CARMIL1: variants seen among roughly 807,000 people sequenced by gnomAD.
CARMIL1 encodes capping protein regulator and myosin 1 linker 1.
Under a neutral mutation model 177.1 loss-of-function variants are expected in CARMIL1, and 90 were observed. That is an observed-to-expected ratio of 0.51 (90% CI 0.43 to 0.61). CARMIL1 has a LOEUF of 0.61. Ranked by LOEUF, CARMIL1 falls within the 20% of genes least tolerant of loss-of-function variation. The pLI is 0.00. For synonymous variants in CARMIL1, 577 were observed against 606.2 expected, an observed-to-expected ratio of 0.95 and a Z score of 0.71; for missense variants, 1,380 against 1,667.0, an observed-to-expected ratio of 0.83 and a Z score of 3.00.
At chr6:25,596,603 AATG>A (rs370863537) in intron 32 of CARMIL1, among the ~76,000 whole-genome samples, 5 of 152,206 alleles carry the variant, frequency 3.3e-5, no homozygotes, top group African/African-American at 1.2e-4. Flanking sequence ...TTCTTACTTA[AATG>A]ATGATAATAC....
At position 25,551,005 on chromosome 6, in the gene CARMIL1, C is replaced by A; in HGVS notation, c.2424C>A (p.Thr808=). 1.2e-6 allele frequency: 2 copies of A among 1,613,392 alleles called. No homozygotes were observed. The highest frequency in any genetic ancestry group is 1.7e-6 in the Non-Finnish European group (2 of 1,179,520). Residue 808 remains threonine (T), a synonymous_variant, in exon 27 of 37, where the codon ACC becomes ACA. Transcript: ENST00000329474. ...HIRQDLIHAS[T]EKISIPRTFV... is the part of the protein sequence containing the mutation. The stretch of plus-strand genomic sequence containing the variant: ...GACAAGACTTGATTCATGCCAGCAC[C>A]GAAAAGATTTCTATTCCACGTACCT...
intron 2 of CARMIL1, among the ~76,000 whole-genome samples, chr6:25,290,773 T>C (rs1052410780): frequency 4.6e-5 from 7 of 152,104 alleles, no homozygotes; most frequent in Admixed American, 2.6e-4. Flanking sequence ...TTTTGAAAAG[T>C]TAATCTGAAA....
chr6:25,390,448 A>G (rs1301184580), intron 2 of CARMIL1, among the ~76,000 whole-genome samples: 1 of 150,408 alleles, frequency 6.6e-6, no homozygotes. Context: ...CAGCCTCCCA[A>G]GTAGCTACAA....
In CARMIL1 at chr6:25,318,191, G is replaced by T. The variant is rs1051154647; in HGVS notation, c.138+33282G>T. Among the ~76,000 whole-genome samples the T allele has an allele frequency of 3.9e-5, 6 of 152,084 alleles. 1 individual carries two copies. Among genetic ancestry groups the T allele is most frequent in the Admixed American group, 3.9e-4 (6 of 15,272 alleles). On this transcript the variant is annotated intron_variant, in intron 2 of 36. Coordinates refer to ENST00000329474, the MANE Select transcript of CARMIL1 (RefSeq NM_017640.6). The stretch of plus-strand genomic sequence containing the variant: ...GCTTGGGAGGATTGCCTTGACAGCT[G>T]TGCGCACAGTGGGTTGGAAGGGGAG...
chr6:25,439,280 G>T (rs1366542220), intron 5 of CARMIL1, among the ~76,000 whole-genome samples: 3 of 152,170 alleles, frequency 2.0e-5, no homozygotes, highest in Admixed American at 2.0e-4. Flanking sequence ...TCTCCTCCAA[G>T]CTCCACTAGG....
chr6:25,502,039 A>C (rs1192166376), intron 17 of CARMIL1, among the ~76,000 whole-genome samples: 2 of 151,228 alleles, frequency 1.3e-5, no homozygotes, highest in Non-Finnish European at 2.9e-5. Context: ...CTAAAAAACT[A>C]ACCTTGCGTT....
chr6:25,586,164 G>A (rs12207668), intron 31 of CARMIL1, among the ~76,000 whole-genome samples: 22,715 of 148,332 alleles, frequency 0.15, 1,940 homozygotes, highest in Middle Eastern at 0.22. Flanking sequence ...CAGACGGGGC[G>A]GCTGCCGGGC....
At chr6:25,371,556 T>A (rs1005310973) in intron 2 of CARMIL1, among the ~76,000 whole-genome samples, 1 of 152,212 alleles carries the variant, frequency 6.6e-6, no homozygotes, top group East Asian at 1.9e-4. Context: ...TTTGTATATC[T>A]TCTTTTGAGA....
chr6:25,377,568 C>T (rs1223890353), intron 2 of CARMIL1, among the ~76,000 whole-genome samples: 1 of 152,132 alleles, frequency 6.6e-6, no homozygotes, highest in Non-Finnish European at 1.5e-5. Context: ...AGTATCCCAG[C>T]AGTGGGTACC....
chr6:25,393,817 A>G (rs1432434735), intron 2 of CARMIL1, among the ~76,000 whole-genome samples: 1 of 151,714 alleles, frequency 6.6e-6, no homozygotes, highest in East Asian at 1.9e-4. Flanking sequence ...TGATTGCACC[A>G]CACACTCTAG....
chr6:25,588,444 T>G (rs1813980526), intron 31 of CARMIL1, among the ~76,000 whole-genome samples: 1 of 152,182 alleles, frequency 6.6e-6, no homozygotes, highest in Admixed American at 6.5e-5. Context: ...TGCATTCAGC[T>G]GGAGGATGAC....
At chr6:25,534,652 C>T (rs1221255868) in intron 24 of CARMIL1, among the ~76,000 whole-genome samples, 3 of 152,072 alleles carry the variant, frequency 2.0e-5, no homozygotes, top group South Asian at 2.1e-4. Flanking sequence ...CAGGCACTAT[C>T]GTAAGAAACA....
chr6:25,517,481 C>G, intron 22 of CARMIL1, 66 bp downstream of exon 22: 3 of 1,245,868 alleles, frequency 2.4e-6, no homozygotes, highest in Non-Finnish European at 1.2e-6. Context: ...ATATATGTTA[C>G]CTGTTGGGTA....
At chr6:25,284,131 C>A (rs1781353903) in intron 1 of CARMIL1, among the ~76,000 whole-genome samples, 1 of 152,144 alleles carries the variant, frequency 6.6e-6, no homozygotes, top group South Asian at 2.1e-4. Flanking sequence ...TGCTGGGCAC[C>A]AGAGGTAACC....
At chr6:25,291,840 A>T (rs1781997744) in intron 2 of CARMIL1, among the ~76,000 whole-genome samples, 1 of 152,206 alleles carries the variant, frequency 6.6e-6, no homozygotes, top group Non-Finnish European at 1.5e-5. Flanking sequence ...CTCCCGATTC[A>T]CCAGTTAAGC....
At chr6:25,291,029 C>T (rs562358639) in intron 2 of CARMIL1, among the ~76,000 whole-genome samples, 2 of 152,210 alleles carry the variant, frequency 1.3e-5, no homozygotes, top group African/African-American at 4.8e-5. Flanking sequence ...CCAGGCTGGT[C>T]TTGAACTTCT....
chr6:25,364,807 C>T (rs1009648388), intron 2 of CARMIL1, among the ~76,000 whole-genome samples: 2 of 152,140 alleles, frequency 1.3e-5, no homozygotes, highest in African/African-American at 2.4e-5. Context: ...TCAGGTGATC[C>T]ATCCGCCTCG....
Position 25,606,185 on chromosome 6 carries a change from G to C in CARMIL1, c.3759G>C (p.Thr1253=), listed in dbSNP as rs779950098. ...SRSRSSSSTP[T]SPKPLLQSPK... is the part of the protein sequence containing the mutation. ...CTCGGAGCTCATCCAGCACACCTAC[G>C]AGCCCGAAGCCCCTCCTGCAGTCCC... Residue 1253 remains threonine, a synonymous_variant, in exon 35 of 37, where the codon ACG becomes ACC. Coordinates refer to ENST00000329474, the MANE Select transcript of CARMIL1 (RefSeq NM_017640.6). 1.9e-6 allele frequency: 3 copies of C among 1,613,798 alleles called. No homozygotes were observed. The highest frequency in any genetic ancestry group is 2.5e-6 in the Non-Finnish European group (3 of 1,179,888).
chr6:25,403,129 AAC>A (rs1202531482), intron 2 of CARMIL1, among the ~76,000 whole-genome samples: 1 of 151,320 alleles, frequency 6.6e-6, no homozygotes, highest in African/African-American at 2.4e-5. Context: ...TCATCTAGGT[AAC>A]ACAGTACCTA....
Sources: allele counts gnomAD v4.1 joint callset (sites outside exome capture counted in the v4.1 genomes callset), GRCh38; gene constraint gnomAD v4.1.1; transcripts MANE v1.5; gene names NCBI Gene and HGNC (gene_info 2026-07-23, HGNC 2026-07-21).